Variants in PDE4D observed in about 807,000 individuals in gnomAD.
The protein encoded by PDE4D is 3',5'-cyclic-AMP phosphodiesterase 4D.
A neutral mutation model predicts 87.4 loss-of-function variants in PDE4D; 24 were observed. The ratio of observed to expected loss-of-function variants is 0.27; its 90% CI spans 0.20 to 0.39. The LOEUF (loss-of-function observed/expected upper bound fraction) is 0.39, where lower values mean the gene tolerates loss of function less well. PDE4D is among the 10% of genes least tolerant of loss of function. The pLI, the probability that PDE4D is intolerant of heterozygous loss-of-function variation, is 1.00. For missense variants in PDE4D, 714 were observed against 1,041.0 expected, an observed-to-expected ratio of 0.69 and a Z score of 4.32; for synonymous variants, 384 against 383.2, an observed-to-expected ratio of 1.00 and a Z score of -0.02.
intron 1 of PDE4D, among the ~76,000 whole-genome samples, chr5:60,269,752 G>A (rs1171187297): frequency 6.6e-6 from 1 of 152,118 alleles, no homozygotes; most frequent in Non-Finnish European, 1.5e-5. Flanking sequence ...TGAATATATT[G>A]ATTTGCTTGG....
At chr5:60,442,394 A>G (rs770718740) in intron 1 of PDE4D, among the ~76,000 whole-genome samples, 1 of 152,052 alleles carries the variant, frequency 6.6e-6, no homozygotes, top group Non-Finnish European at 1.5e-5. Flanking sequence ...GAACGATGAG[A>G]ACACATGGAC....
intron 1 of PDE4D, among the ~76,000 whole-genome samples, chr5:59,755,683 TA>T (rs200181362): frequency 9.2e-5 from 14 of 151,778 alleles, no homozygotes; most frequent in African/African-American, 3.1e-4. Context: ...TAGAAGGTCA[TA>T]AAAAAAATCA....
rs1743087548 is a variant in PDE4D, at chr5:58,973,844, A to G, written c.*820T>C. ...TAAAGTTGTTTTTCTCTTTTAAAAT[A>G]TGGAAGTCATTGGTATATAAAACAA... On this transcript the variant is annotated 3_prime_UTR_variant, in exon 15 of 15. Transcript: ENST00000340635. 6.8e-6 allele frequency: 1 copy of G among 146,548 alleles called. No homozygotes were observed. The highest frequency in any genetic ancestry group is 2.5e-5 in the African/African-American group (1 of 40,090). The allele number at this position is 146,548 out of a possible 1,614,324, so 9.1% of individuals were successfully genotyped here. A position where few individuals can be genotyped will look rare whatever the true frequency, so the allele number is the denominator to read the frequency against.
chr5:59,056,094 G>C (rs2936203), intron 5 of PDE4D, among the ~76,000 whole-genome samples: 26,425 of 152,070 alleles, frequency 0.17, 3,717 homozygotes, highest in African/African-American at 0.39. Flanking sequence ...TCCATGCCCC[G>C]CCTCCACCTG....
intron 1 of PDE4D, among the ~76,000 whole-genome samples, chr5:59,654,206 A>T (rs1024226083): frequency 1.3e-5 from 2 of 152,132 alleles, no homozygotes; most frequent in South Asian, 2.1e-4. Context: ...CCAAGTCTCA[A>T]ATAAATAAAT....
chr5:59,230,030 G>C (rs553683998), intron 1 of PDE4D, among the ~76,000 whole-genome samples: 3 of 152,084 alleles, frequency 2.0e-5, no homozygotes, highest in Non-Finnish European at 4.4e-5. Context: ...CAGGCGATCC[G>C]CCTGCCTCGG....
In PDE4D at chr5:59,701,643, C is replaced by T. The variant is rs149462352; in HGVS notation, c.455+191525G>A. Among the ~76,000 whole-genome samples the T allele has an allele frequency of 8.4e-3, 1,279 of 152,282 alleles. 7 individuals are homozygous for T. The highest frequency in any genetic ancestry group is 0.014 in the Non-Finnish European group (935 of 68,022). On this transcript the variant is annotated intron_variant, in intron 1 of 14. Transcript: ENST00000340635. ...ACAATTATGGAAAGTCACACTCAGACAGTGAGAATAGAAGTGCTGGTTGTG... is the reference window on the plus strand; with the variant it reads ...ACAATTATGGAAAGTCACACTCAGATAGTGAGAATAGAAGTGCTGGTTGTG...
intron 1 of PDE4D, among the ~76,000 whole-genome samples, chr5:60,192,455 C>G (rs1386307592): frequency 6.6e-6 from 1 of 152,018 alleles, no homozygotes; most frequent in African/African-American, 2.4e-5. Context: ...ATGGAAAGTG[C>G]TTTGTATGCA....
chr5:59,288,198 A>T (rs1767353752), intron 1 of PDE4D, among the ~76,000 whole-genome samples: 1 of 152,128 alleles, frequency 6.6e-6, no homozygotes, highest in African/African-American at 2.4e-5. Flanking sequence ...GGAATTCAAG[A>T]TAACACACAG....
Position 59,333,721 on chromosome 5 carries a change from G to A in PDE4D, c.456-117753C>T, listed in dbSNP as rs192846578. Among the ~76,000 whole-genome samples the A allele has an allele frequency of 4.1e-3, 622 of 152,228 alleles. 2 individuals are homozygous for A. The highest frequency in any genetic ancestry group is 6.9e-3 in the Non-Finnish European group (470 of 68,002). On this transcript the variant is annotated intron_variant, in intron 1 of 14. Transcript: ENST00000340635. ...AGAGATTTTGATTCCATCCTAAAGA[G>A]TTCTAATTAAAGACTCCTTGGGGAG... is the stretch of plus-strand genomic sequence containing the variant.
At chr5:58,991,772 G>T in intron 8 of PDE4D, 60 bp downstream of exon 8, 3 of 1,114,246 alleles carry the variant, frequency 2.7e-6, no homozygotes, top group Non-Finnish European at 3.6e-6. Flanking sequence ...GACTAGAAGT[G>T]AAAATTCATG....
intron 1 of PDE4D, among the ~76,000 whole-genome samples, chr5:59,254,002 G>A (rs1760490019): frequency 6.6e-6 from 1 of 152,090 alleles, no homozygotes; most frequent in Non-Finnish European, 1.5e-5. Context: ...CTACTGGTGT[G>A]TTTCATGTAT....
At chr5:58,982,431 A>C (rs1745409693) in intron 11 of PDE4D, among the ~76,000 whole-genome samples, 1 of 152,226 alleles carries the variant, frequency 6.6e-6, no homozygotes, top group Non-Finnish European at 1.5e-5. Context: ...AGCCCAGTGC[A>C]GCTCTTCTTT....
chr5:59,804,232 C>G (rs1767485940), intron 1 of PDE4D, among the ~76,000 whole-genome samples: 1 of 152,164 alleles, frequency 6.6e-6, no homozygotes. Flanking sequence ...GCCTTTGTAT[C>G]CTCAGCGCTT....
intron 1 of PDE4D, among the ~76,000 whole-genome samples, chr5:60,425,483 T>G (rs1743614464): frequency 1.3e-5 from 2 of 152,248 alleles, no homozygotes; most frequent in South Asian, 4.2e-4. Context: ...TAGCCATATG[T>G]AGAAAGCTGA....
chr5:59,893,503 C>T lies in PDE4D; in HGVS notation c.120G>A (p.Gln40=). 1 of 1,541,316 alleles carries T rather than the reference C, an allele frequency of 6.5e-7. No individual in the cohort carries two copies. Among genetic ancestry groups the T allele is most frequent in the African/African-American group, 1.4e-5 (1 of 72,064 alleles). The change falls in exon 1 of 15, where the codon CAG becomes CAA. Residue 40 remains glutamine (Q), a synonymous_variant. Coordinates refer to ENST00000340635, the MANE Select transcript of PDE4D (RefSeq NM_001104631.2). Reference sequence around the variant, plus strand: ...GGAACTGGGGCTGCCGGAGCGGGTACTGGTGGTGCTGCTCGTGCCTCCAGA... The same window carrying T: ...GGAACTGGGGCTGCCGGAGCGGGTATTGGTGGTGCTGCTCGTGCCTCCAGA... ...KHLWRHEQHH[Q]YPLRQPQFRL...
intron 1 of PDE4D, among the ~76,000 whole-genome samples, chr5:60,379,160 G>C (rs1195654701): frequency 3.3e-5 from 5 of 150,490 alleles, no homozygotes; most frequent in African/African-American, 1.2e-4. Flanking sequence ...AATTTCTTGT[G>C]GAGCAGTTTT....
intron 1 of PDE4D, among the ~76,000 whole-genome samples, chr5:60,300,120 T>G (rs1295842752): frequency 3.3e-5 from 5 of 152,200 alleles, no homozygotes; most frequent in Non-Finnish European, 5.9e-5. Context: ...TATCTCATTG[T>G]GGTTTTGATT....
intron 1 of PDE4D, among the ~76,000 whole-genome samples, chr5:60,319,857 G>A (rs1340586423): frequency 1.3e-5 from 2 of 152,184 alleles, no homozygotes; most frequent in Admixed American, 1.3e-4. Context: ...TTGTCTAAGA[G>A]GAGTACCCAG....
Sources: allele counts gnomAD v4.1 joint callset (sites outside exome capture counted in the v4.1 genomes callset), GRCh38; gene constraint gnomAD v4.1.1; transcripts MANE v1.5; gene names NCBI Gene and HGNC (gene_info 2026-07-23, HGNC 2026-07-21).